The following INAVA variants were observed in gnomAD, a reference collection of about 807,000 sequenced individuals.
The protein encoded by INAVA is innate immunity activator.
A neutral mutation model predicts 55.3 loss-of-function variants in INAVA; 32 were observed. The ratio of observed to expected loss-of-function variants is 0.58; its 90% confidence interval spans 0.44 to 0.78. The LOEUF (loss-of-function observed/expected upper bound fraction) is 0.78, where lower values mean the gene tolerates loss of function less well. INAVA is among the 30% of genes least tolerant of loss of function. The probability of loss-of-function intolerance (pLI) is 0.00; values close to 1 mark genes in which losing one functional copy is unlikely to be tolerated. For missense variants in INAVA, 756 were observed against 786.4 expected, an observed-to-expected ratio of 0.96 and a Z score of 0.46; for synonymous variants, 294 against 329.4, an observed-to-expected ratio of 0.89 and a Z score of 1.16.
chr1:200,893,172 C>T (rs370646787), upstream of INAVA, among the ~76,000 whole-genome samples: 116 of 152,316 alleles, frequency 7.6e-4, 4 homozygotes, highest in South Asian at 0.023. Flanking sequence ...TTCATAGTTT[C>T]ATATCACACT....
chr1:200,909,078 G>A, intron 7 of INAVA, 138 bp downstream of exon 7: 3 of 1,301,152 alleles, frequency 2.3e-6, no homozygotes, highest in South Asian at 1.5e-5. Flanking sequence ...GGATGGAGGT[G>A]TGAGCCTTGA....
At chr1:200,900,050 G>T in intron 3 of INAVA, 54 bp from the exon 4 acceptor site, 1 of 1,487,070 alleles carries the variant, frequency 6.7e-7, no homozygotes, top group Non-Finnish European at 9.2e-7. Flanking sequence ...AGGGGCCAGT[G>T]AGCCAAGTCT....
In INAVA at chr1:200,911,649, GGCA is replaced by G; in HGVS notation, c.1165_1167del (p.Ser389del). The G allele has an allele frequency of 1.9e-6, 3 of 1,613,950 alleles. No homozygotes were observed. Among genetic ancestry groups the G allele is most frequent in the Non-Finnish European group, 2.5e-6 (3 of 1,179,936 alleles). ...CAGCATCTCCCACCCCACTTCGCCG[GGCA>G]GCAGCAGCCCCGACATCTCCTTTCT... On this transcript the variant is annotated inframe_deletion, in exon 9 of 10. Coordinates refer to ENST00000413687, the MANE Select transcript of INAVA (RefSeq NM_001142569.3).
chr1:200,907,216 C>CT (rs373183721), intron 5 of INAVA, among the ~76,000 whole-genome samples: 51 of 151,566 alleles, frequency 3.4e-4, no homozygotes, highest in African/African-American at 7.0e-4. Context: ...CACCCTTTTT[C>CT]TTTTTTTTTG....
chr1:200,898,621 G>A (rs1653068981), intron 2 of INAVA, among the ~76,000 whole-genome samples, 166 bp downstream of exon 2: 1 of 152,206 alleles, frequency 6.6e-6, no homozygotes, highest in African/African-American at 2.4e-5. Flanking sequence ...AGGAGGGGGA[G>A]GTTCTGGAAG....
In INAVA at chr1:200,899,681, A is replaced by C. The variant is rs759481434; in HGVS notation, c.180+84A>C. 36 of 1,534,012 alleles carry C rather than the reference A, an allele frequency of 2.3e-5. 1 individual carries two copies. In the Admixed American group the frequency reaches 7.3e-4, roughly 31 times the overall value. ...GTGTGGGGATGCGGGAGCTGGGGAGAGGGAGCCCCATTCTTGAGGGAATTC... is the reference window on the plus strand; with the variant it reads ...GTGTGGGGATGCGGGAGCTGGGGAGCGGGAGCCCCATTCTTGAGGGAATTC... On this transcript the variant is annotated intron_variant, in intron 3 of 9. Transcript: ENST00000413687.
chr1:200,910,731 G>A (rs764768059), intron 8 of INAVA, among the ~76,000 whole-genome samples: 2 of 152,160 alleles, frequency 1.3e-5, no homozygotes, highest in Admixed American at 6.5e-5. Flanking sequence ...ACAGGCGTCC[G>A]CCACCACACA....
chr1:200,895,566 C>A (rs954905873), intron 1 of INAVA, among the ~76,000 whole-genome samples: 11 of 152,074 alleles, frequency 7.2e-5, no homozygotes, highest in African/African-American at 2.7e-4. Context: ...CCTGAACTGC[C>A]TTTATCTAAA....
At chr1:200,908,660 G>A in intron 6 of INAVA, 70 bp from the exon 7 acceptor site, 1 of 1,372,010 alleles carries the variant, frequency 7.3e-7, no homozygotes, top group East Asian at 2.4e-5. Context: ...ATGGGCTGTG[G>A]TTTGTGGAGG....
intron 6 of INAVA, 92 bp from the exon 7 acceptor site, chr1:200,908,638 G>A: frequency 9.3e-7 from 1 of 1,077,476 alleles, no homozygotes; most frequent in East Asian, 2.5e-5. Context: ...ATGGGAGGGA[G>A]AGCGGCGAGG....
chr1:200,898,567 C>T (rs1653066582), intron 2 of INAVA, 112 bp downstream of exon 2: 2 of 1,215,502 alleles, frequency 1.6e-6, no homozygotes, highest in African/African-American at 1.5e-5. Context: ...TGGGCTGAGA[C>T]TCCCAAGGGC....
chr1:200,913,172 G>A (rs933966154), intron 9 of INAVA, among the ~76,000 whole-genome samples: 2 of 152,190 alleles, frequency 1.3e-5, no homozygotes, highest in African/African-American at 2.4e-5. Flanking sequence ...GTCCGAGGCC[G>A]CGCCCTCCAG....
intron 5 of INAVA, among the ~76,000 whole-genome samples, chr1:200,904,541 G>A (rs1439282136): frequency 6.6e-6 from 1 of 152,166 alleles, no homozygotes; most frequent in African/African-American, 2.4e-5. Flanking sequence ...GCCACATGCG[G>A]CTAGTGGCAA....
At chr1:200,901,991 G>A (rs1290814387) in intron 5 of INAVA, among the ~76,000 whole-genome samples, 1 of 152,130 alleles carries the variant, frequency 6.6e-6, no homozygotes. Context: ...GTCAGGACTT[G>A]CATCTCTCCA....
At chr1:200,891,746 C>G, upstream of INAVA, 1 of 1,353,686 alleles carries the variant, frequency 7.4e-7, no homozygotes, top group East Asian at 2.9e-5. Flanking sequence ...TGAACTGGGG[C>G]GGGGGATCGG....
At chr1:200,894,316 C>T (rs560838229), upstream of INAVA, among the ~76,000 whole-genome samples, 1 of 152,182 alleles carries the variant, frequency 6.6e-6, no homozygotes, top group East Asian at 1.9e-4. Flanking sequence ...CCTCGATACC[C>T]TTGGGGGACA....
Position 200,909,271 on chromosome 1 carries a change from G to C in INAVA, c.833G>C (p.Trp278Ser), listed in dbSNP as rs1558233512. Residue 278 changes from tryptophan to serine, a missense_variant, in exon 8 of 10, where the codon TGG becomes TCG. Physicochemically the swap from Trp to Ser is radical, Grantham distance 177. Around this residue, in one of 2 missense-constraint regions of INAVA, gnomAD observed 639 missense variants for 624.3 expected, o/e 1.02. Transcript: ENST00000413687. ...GATGGGCCCAGTGCCTCCAGCCTGT[G>C]GCTTCTGGAGCCTGCCTCCTACCAC... The part of the protein sequence containing the change: ...PQDGPSASSL[W>S]LLEPASYHVV... The C allele has an allele frequency of 6.2e-7, 1 of 1,608,954 alleles. No individual in the cohort carries two copies. Among genetic ancestry groups the C allele is most frequent in the South Asian group, 1.1e-5 (1 of 90,416 alleles).
upstream of INAVA, among the ~76,000 whole-genome samples, chr1:200,894,289 C>T (rs1048788165): frequency 1.3e-5 from 2 of 152,054 alleles, no homozygotes; most frequent in Non-Finnish European, 2.9e-5. Flanking sequence ...TGTAAATAAT[C>T]AACAGAGAAG....
At chr1:200,908,255 C>T in intron 6 of INAVA, 1 of 230,506 alleles carries the variant, frequency 4.3e-6, no homozygotes, top group Non-Finnish European at 8.6e-6. Context: ...AAGAAGGGAG[C>T]AGGAAGGAAA....
Sources: allele counts gnomAD v4.1 joint callset (sites outside exome capture counted in the v4.1 genomes callset), GRCh38; gene constraint gnomAD v4.1.1; regional missense constraint gnomAD v4.1.1; transcripts MANE v1.5; gene names NCBI Gene and HGNC (gene_info 2026-07-23, HGNC 2026-07-21).